Variants in GFPT2 observed in about 807,000 individuals in gnomAD.
GFPT2 encodes the protein glutamine--fructose-6-phosphate aminotransferase [isomerizing] 2.
A neutral mutation model predicts 85.6 loss-of-function variants in GFPT2; 62 were observed. The ratio of observed to expected loss-of-function variants is 0.72; its 90% CI spans 0.59 to 0.90. The LOEUF (loss-of-function observed/expected upper bound fraction) is 0.90. Among genes scored for constraint, GFPT2 ranks in the 40% least tolerant of loss-of-function variants. GFPT2 has a pLI of 0.00. For missense variants in GFPT2, 788 were observed against 893.4 expected, an observed-to-expected ratio of 0.88 and a Z score of 1.50; for synonymous variants, 368 against 344.5, an observed-to-expected ratio of 1.07 and a Z score of -0.75.
Position 180,317,009 on chromosome 5 carries a change from T to C in GFPT2, c.1008A>G (p.Ser336=), listed in dbSNP as rs2112594. The part of the protein sequence containing the change: ...MQKEIFEQPE[S]VFNTMRGRVN... ...CCCGACCTCTCATAGTATTGAAAACTGATTCTGGCTGTTCGAAGATCTCCT... is the reference window on the plus strand; with the variant it reads ...CCCGACCTCTCATAGTATTGAAAACCGATTCTGGCTGTTCGAAGATCTCCT... The change falls in exon 11 of 19, where the codon TCA becomes TCG. Residue 336 remains serine (S), a synonymous_variant. Transcript: ENST00000253778. 6.2e-7 allele frequency: 1 copy of C among 1,611,738 alleles called. No homozygotes were observed. The highest frequency in any genetic ancestry group is 1.1e-5 in the South Asian group (1 of 91,022).
rs921135618 is a variant in GFPT2 at position 180,323,647 on chromosome 5, G to C, written c.794+541C>G. Among the ~76,000 whole-genome samples the C allele has an allele frequency of 6.6e-6, 1 of 152,036 alleles. No homozygotes were observed. Among genetic ancestry groups the C allele is most frequent in the Non-Finnish European group, 1.5e-5 (1 of 68,010 alleles). On this transcript the variant is annotated intron_variant, in intron 9 of 18. Transcript: ENST00000253778. This position sits in a 1 kb window ranked among gnomAD's most constrained non-coding sequence, Gnocchi z 4.0. ...AAATCATTATTCAGTGGATTGATGA[G>C]AGCATGGACTTTAGAATCAATTGAA...
intron 4 of GFPT2, among the ~76,000 whole-genome samples, 188 bp downstream of exon 4, chr5:180,335,640 C>T (rs1764378344): frequency 6.6e-6 from 1 of 152,230 alleles, no homozygotes; most frequent in Admixed American, 6.5e-5. Flanking sequence ...ACCAGGCTGC[C>T]TGCCTCCTGA....
chr5:180,348,269 G>A (rs367971442), intron 1 of GFPT2, among the ~76,000 whole-genome samples: 4 of 152,220 alleles, frequency 2.6e-5, no homozygotes, highest in South Asian at 2.1e-4. Flanking sequence ...ATTCCCGAGC[G>A]TGTGCACGTG....
chr5:180,344,926 C>T (rs778002080), intron 1 of GFPT2, among the ~76,000 whole-genome samples: 8 of 152,354 alleles, frequency 5.3e-5, no homozygotes, highest in East Asian at 1.9e-4. Context: ...CAGGGCCACC[C>T]GCCTGGGTTG....
At position 180,316,982 on chromosome 5, in the gene GFPT2, C is replaced by A; in HGVS notation, c.1035G>T (p.Val345=). Residue 345 remains valine, a synonymous_variant, in exon 11 of 19, where the codon GTG becomes GTT. Transcript: ENST00000253778. ...AATTACCTGTGTTGGTTTCAAAATTCACCCGACCTCTCATAGTATTGAAAA... is the reference window on the plus strand; with the variant it reads ...AATTACCTGTGTTGGTTTCAAAATTAACCCGACCTCTCATAGTATTGAAAA... ...ESVFNTMRGR[V]NFETNTVLLG... The A allele has an allele frequency of 6.2e-7, 1 of 1,609,532 alleles. No individual in the cohort carries two copies. The highest frequency in any genetic ancestry group is 8.5e-7 in the Non-Finnish European group (1 of 1,175,768).
At chr5:180,304,637 G>T in intron 17 of GFPT2, 135 bp downstream of exon 17, 1 of 809,078 alleles carries the variant, frequency 1.2e-6, no homozygotes, top group Non-Finnish European at 2.0e-6. Context: ...CCCACAGGCG[G>T]CCCGGGGGAG....
chr5:180,321,742 C>A (rs1172517939), intron 9 of GFPT2, among the ~76,000 whole-genome samples: 1 of 150,880 alleles, frequency 6.6e-6, no homozygotes, highest in Admixed American at 6.7e-5. Flanking sequence ...AAGGCATAAA[C>A]AAATAAAATA....
intron 16 of GFPT2, among the ~76,000 whole-genome samples, chr5:180,306,627 G>T (rs538236288): frequency 6.6e-6 from 1 of 152,126 alleles, no homozygotes; most frequent in Non-Finnish European, 1.5e-5. Context: ...CAAGGCCTTC[G>T]AAGTTAATTC....
chr5:180,336,167 A>G, intron 3 of GFPT2: 2 of 565,714 alleles, frequency 3.5e-6, no homozygotes, highest in Non-Finnish European at 3.1e-6. Flanking sequence ...CTTCACAGAA[A>G]TAAACTTGCT....
At chr5:180,311,785 G>A (rs1029325652) in intron 15 of GFPT2, among the ~76,000 whole-genome samples, 14 of 152,230 alleles carry the variant, frequency 9.2e-5, no homozygotes, top group African/African-American at 2.9e-4. Context: ...TGCTGGCGTC[G>A]GGGCCTCTGT....
At chr5:180,304,173 G>A (rs1763734304) in intron 17 of GFPT2, among the ~76,000 whole-genome samples, 1 of 152,280 alleles carries the variant, frequency 6.6e-6, no homozygotes, top group African/African-American at 2.4e-5. Flanking sequence ...CACATCTGGG[G>A]CCCTCAAACT....
intron 1 of GFPT2, among the ~76,000 whole-genome samples, chr5:180,338,861 A>G (rs1271809299): frequency 6.6e-6 from 1 of 152,214 alleles, no homozygotes; most frequent in African/African-American, 2.4e-5. Flanking sequence ...TACTTGCAGG[A>G]GGCAGCTTTC....
chr5:180,338,482 C>T lies in GFPT2; in HGVS notation c.115+11G>A, dbSNP rs546586169. 6.8e-5 allele frequency: 103 copies of T among 1,524,262 alleles called. No individual in the cohort carries two copies. Among genetic ancestry groups the T allele is most frequent in the African/African-American group, 1.4e-4 (10 of 73,340 alleles). 94.4% of individuals were successfully genotyped at this position (1,524,262 alleles called of 1,614,324 possible). On this transcript the variant is annotated intron_variant, in intron 2 of 18. Coordinates refer to ENST00000253778, the MANE Select transcript of GFPT2 (RefSeq NM_005110.4). ...GGTCCCCAGCCACGAGGCGGGCGGC[C>T]GCACACCCACCTGCCGAGTCGTAGC...
At position 180,316,343 on chromosome 5, in the gene GFPT2, G is replaced by C. The variant is rs2127649817; in HGVS notation, c.1271C>G (p.Ser424Ter). The change falls in exon 13 of 19, where the codon TCA (serine) becomes TGA (stop). Residue 424 changes from serine (S) to a stop codon, truncating the protein, a stop_gained and splice_region_variant. Coordinates refer to ENST00000253778, the MANE Select transcript of GFPT2 (RefSeq NM_005110.4). LOFTEE classifies it high-confidence loss of function. ...GCCACAATGCCTGTGTCCCTTACCTGACTGGCTGATGAAAAAGCAAACGTC... is the reference window on the plus strand; with the variant it reads ...GCCACAATGCCTGTGTCCCTTACCTCACTGGCTGATGAAAAAGCAAACGTC... ...RDDVCFFISQSGETADTLLAL... is the reference protein window; with the variant it reads ...RDDVCFFISQ 1 of 1,614,074 alleles carries C rather than the reference G, an allele frequency of 6.2e-7. No homozygotes were observed. Among genetic ancestry groups the C allele is most frequent in the East Asian group, 2.2e-5 (1 of 44,888 alleles).
rs991949630 is a variant in GFPT2 at position 180,324,618 on chromosome 5, T to C, written c.676+198A>G. ...TATACAAAATCATGATAAATTCATG[T>C]CCATGATAAAAAGCTTAAAAAAAAT... On this transcript the variant is annotated intron_variant, in intron 8 of 18. Coordinates refer to ENST00000253778, the MANE Select transcript of GFPT2 (RefSeq NM_005110.4). 5 of 595,460 alleles carry C rather than the reference T, an allele frequency of 8.4e-6. No homozygotes were observed. The Admixed American group carries it at 1.2e-4, about 15-fold the overall frequency. The allele number at this position is 595,460 out of a possible 1,614,324, so 36.9% of individuals were successfully genotyped here.
rs1443773342 is a variant in GFPT2, at chr5:180,313,818, C to T, written c.1420G>A (p.Ala474Thr). ...HINAGPEIGV[A>T]STKAYTSQFI... ...GTGGCTCCTCCTACCTTGGTGCTGG[C>T]CACGCCGATCTCCGGCCCTGCGTTG... is the stretch of plus-strand genomic sequence containing the variant. Residue 474 changes from alanine (A) to threonine (T), a missense_variant, in exon 14 of 19, where the codon GCC becomes ACC. Physicochemically the swap from Ala to Thr is moderately conservative, Grantham distance 58 (BLOSUM62 0). Coordinates refer to ENST00000253778, the MANE Select transcript of GFPT2 (RefSeq NM_005110.4). The T allele has an allele frequency of 5.8e-6, 9 of 1,560,066 alleles. No homozygotes were observed. The highest frequency in any genetic ancestry group is 7.8e-6 in the Non-Finnish European group (9 of 1,157,188).
intron 1 of GFPT2, chr5:180,352,724 C>A (rs1018206053): frequency 2.7e-5 from 11 of 406,996 alleles, no homozygotes; most frequent in East Asian, 2.4e-4. Context: ...ACCGGGCGGG[C>A]TGCGGGGACG....
At chr5:180,352,277 G>C in intron 1 of GFPT2, 1 of 372,572 alleles carries the variant, frequency 2.7e-6, no homozygotes, top group Non-Finnish European at 5.1e-6. Flanking sequence ...TCATGGCTTC[G>C]AAAGTTCCTC....
At chr5:180,336,010 T>C in intron 3 of GFPT2, 57 bp from the exon 4 acceptor site, 1 of 1,498,318 alleles carries the variant, frequency 6.7e-7, no homozygotes. Context: ...GACCCAGGAC[T>C]GTGAGTGCAA....
Sources: allele counts gnomAD v4.1 joint callset (sites outside exome capture counted in the v4.1 genomes callset), GRCh38; gene constraint gnomAD v4.1.1; non-coding constraint Gnocchi (gnomAD v3.1); transcripts MANE v1.5; gene names NCBI Gene and HGNC (gene_info 2026-07-23, HGNC 2026-07-21).